Variants in CCNY observed in about 807,000 individuals in gnomAD.
CCNY encodes the protein cyclin-Y.
CCNY carries 19 observed loss-of-function variants against 42.8 expected under a neutral mutation model. The observed-to-expected ratio is 0.44, with a 90% confidence interval of 0.31 to 0.65. The LOEUF (loss-of-function observed/expected upper bound fraction) is 0.65, where lower values mean the gene tolerates loss of function less well. CCNY is among the 30% of genes least tolerant of loss of function. CCNY has a pLI of 0.07. For missense variants in CCNY, 370 were observed against 437.3 expected (o/e 0.85, Z 1.37); for synonymous variants, 165 against 162.7 (o/e 1.01, Z -0.11).
chr10:35,525,708 G>C (rs1265133706), intron 4 of CCNY, among the ~76,000 whole-genome samples: 1 of 152,044 alleles, frequency 6.6e-6, no homozygotes, highest in Non-Finnish European at 1.5e-5. Flanking sequence ...AATAGAAAGA[G>C]CAGTTTGTTT....
At position 35,406,803 on chromosome 10, in the gene CCNY, C is replaced by T. The variant is rs113290699; in HGVS notation, c.154+69596C>T. Among the ~76,000 whole-genome samples the T allele has an allele frequency of 3.4e-3, 513 of 152,152 alleles. 5 individuals are homozygous for T. The highest frequency in any genetic ancestry group is 0.012 in the African/African-American group (480 of 41,504). ...GGGGCTCCTCACTTCCCAGTAGGGGCGGCCAGGCAGAGGCGCCCCTCACCT... is the reference window on the plus strand; with the variant it reads ...GGGGCTCCTCACTTCCCAGTAGGGGTGGCCAGGCAGAGGCGCCCCTCACCT... On this transcript the variant is annotated intron_variant, in intron 1 of 9. Coordinates refer to ENST00000374704, the MANE Select transcript of CCNY (RefSeq NM_145012.6).
At chr10:35,497,722 G>C (rs1285433640) in intron 2 of CCNY, among the ~76,000 whole-genome samples, 3 of 111,814 alleles carry the variant, frequency 2.7e-5, no homozygotes, top group Non-Finnish European at 5.2e-5. Context: ...GCGAGACTCC[G>C]TCTCAAAAAA....
intron 1 of CCNY, among the ~76,000 whole-genome samples, chr10:35,435,797 C>G (rs1044980777): frequency 1.3e-5 from 2 of 152,314 alleles, no homozygotes; most frequent in Non-Finnish European, 2.9e-5. Flanking sequence ...TTCTTCCTCT[C>G]TGCTGTGGGA....
chr10:35,403,138 G>T (rs1837680159), intron 1 of CCNY, among the ~76,000 whole-genome samples: 1 of 141,208 alleles, frequency 7.1e-6, no homozygotes, highest in Non-Finnish European at 1.6e-5. Flanking sequence ...GGGTGGGGGG[G>T]GTTGGCCTGA....
intron 1 of CCNY, among the ~76,000 whole-genome samples, chr10:35,396,651 C>A (rs949172327): frequency 2.0e-5 from 3 of 152,218 alleles, no homozygotes; most frequent in African/African-American, 7.2e-5. Flanking sequence ...GAGGTCCAGA[C>A]AGTTTCACCT....
At chr10:35,406,458 C>T (rs1184426075) in intron 1 of CCNY, among the ~76,000 whole-genome samples, 1 of 151,966 alleles carries the variant, frequency 6.6e-6, no homozygotes, top group Non-Finnish European at 1.5e-5. Context: ...CTTCAAGCGT[C>T]TGTTTAACAA....
intron 3 of CCNY, among the ~76,000 whole-genome samples, chr10:35,258,336 T>C (rs2135028454): frequency 6.6e-6 from 1 of 152,330 alleles, no homozygotes; most frequent in Admixed American, 6.5e-5. Flanking sequence ...TGCCTTTCCC[T>C]GGGCAGGTGT....
At chr10:35,539,109 A>G (rs1316748524) in intron 7 of CCNY, among the ~76,000 whole-genome samples, 2 of 152,138 alleles carry the variant, frequency 1.3e-5, no homozygotes, top group East Asian at 3.9e-4. Flanking sequence ...ATTTTGTTCC[A>G]TTTATCTATA....
At chr10:35,387,803 C>T (rs1328582301) in intron 1 of CCNY, among the ~76,000 whole-genome samples, 1 of 152,148 alleles carries the variant, frequency 6.6e-6, no homozygotes, top group African/African-American at 2.4e-5. Flanking sequence ...TGCCAAGATC[C>T]ACGTAAGAAT....
chr10:35,564,623 G>A lies in CCNY; in HGVS notation c.747-1400G>A, dbSNP rs533100153. Among the ~76,000 whole-genome samples, 17 of 152,302 alleles carry A rather than the reference G, an allele frequency of 1.1e-4. No individual in the cohort carries two copies. The South Asian group carries it at 3.3e-3, about 30-fold the overall frequency. On this transcript the variant is annotated intron_variant, in intron 8 of 9. Transcript: ENST00000374704. ...TTGGCAGGACATGACTTAGAATGCC[G>A]AGGCTGGGATCAGGGTCAGGAGGGT...
intron 3 of CCNY, among the ~76,000 whole-genome samples, chr10:35,267,381 G>A (rs1056820617): frequency 8.5e-5 from 13 of 152,054 alleles, no homozygotes; most frequent in Admixed American, 7.2e-4. Flanking sequence ...TTCCCTGGTG[G>A]GCCTCTTTCT....
intron 1 of CCNY, among the ~76,000 whole-genome samples, chr10:35,438,976 C>T (rs1332576645): frequency 2.0e-5 from 3 of 152,314 alleles, no homozygotes; most frequent in South Asian, 2.1e-4. Flanking sequence ...TGGCAAGCAT[C>T]GTGCCACTTT....
chr10:35,522,416 A>G (rs1168340489), intron 4 of CCNY, among the ~76,000 whole-genome samples: 1 of 152,192 alleles, frequency 6.6e-6, no homozygotes, highest in Non-Finnish European at 1.5e-5. Flanking sequence ...TCTACATATC[A>G]GTCTCAAAAC....
At chr10:35,483,725 T>C (rs959611431) in intron 2 of CCNY, among the ~76,000 whole-genome samples, 1 of 152,242 alleles carries the variant, frequency 6.6e-6, no homozygotes, top group African/African-American at 2.4e-5. Flanking sequence ...ATACATTGTG[T>C]CATGGGAGTT....
chr10:35,426,105 GCACGCGCACACACA>G lies in CCNY; in HGVS notation c.155-57295_155-57282del, dbSNP rs1384232705. Among the ~76,000 whole-genome samples the G allele has an allele frequency of 6.3e-3, 368 of 58,032 alleles. 4 individuals carry two copies. Among genetic ancestry groups the G allele is most frequent in the African/African-American group, 0.017 (347 of 20,828 alleles). 38.1% of individuals were successfully genotyped at this position (58,032 alleles called of 152,430 possible). On this transcript the variant is annotated intron_variant, in intron 1 of 9. Coordinates refer to ENST00000374704, the MANE Select transcript of CCNY (RefSeq NM_145012.6). ...CTCCTCTTCTCCCTTCACTGGTCCA[GCACGCGCACACACA>G]CACACACACACACACACACACACAC...
intron 4 of CCNY, among the ~76,000 whole-genome samples, chr10:35,522,862 A>T (rs1365034232): frequency 6.6e-6 from 1 of 152,236 alleles, no homozygotes; most frequent in Non-Finnish European, 1.5e-5. Flanking sequence ...CCAGAGTCCC[A>T]GGACATGTTT....
Position 35,572,466 on chromosome 10 carries a change from G to A in CCNY, c.*3296G>A, listed in dbSNP as rs1841706491. On this transcript the variant is annotated 3_prime_UTR_variant, in exon 10 of 10. Transcript: ENST00000374704. ...AGCTGATTTTTGTAGTTTTAGTAGA[G>A]ACAGAGTTTCACCACGTTGGCCAGG... is the stretch of plus-strand genomic sequence containing the variant. 1 of 151,902 alleles carries A rather than the reference G, an allele frequency of 6.6e-6. No individual in the cohort carries two copies. The highest frequency in any genetic ancestry group is 1.9e-4 in the East Asian group (1 of 5,168). The allele number at this position is 151,902 out of a possible 1,614,324, so 9.4% of individuals were successfully genotyped here. A position where few individuals can be genotyped will look rare whatever the true frequency, so the allele number is the denominator to read the frequency against.
chr10:35,493,305 T>C (rs1483096094), intron 2 of CCNY, among the ~76,000 whole-genome samples: 1 of 152,146 alleles, frequency 6.6e-6, no homozygotes, highest in Non-Finnish European at 1.5e-5. Context: ...TCCCCCAGGC[T>C]GGGGGGAGTT....
At chr10:35,363,617 G>C (rs1462365973) in intron 1 of CCNY, among the ~76,000 whole-genome samples, 1 of 152,230 alleles carries the variant, frequency 6.6e-6, no homozygotes, top group Non-Finnish European at 1.5e-5. Flanking sequence ...TTGGTTCTGT[G>C]TAGTGGGGTT....
Sources: allele counts gnomAD v4.1 joint callset (sites outside exome capture counted in the v4.1 genomes callset), GRCh38; gene constraint gnomAD v4.1.1; transcripts MANE v1.5; gene names NCBI Gene and HGNC (gene_info 2026-07-23, HGNC 2026-07-21).